The following CRBN variants were observed in gnomAD, a reference collection of about 807,000 sequenced individuals.
The protein encoded by CRBN is cereblon, also known as protein cereblon.
In CRBN, 53 loss-of-function variants were observed where a neutral mutation model predicts 62.2. The observed-to-expected ratio is 0.85, with a 90% CI of 0.68 to 1.07. The LOEUF (loss-of-function observed/expected upper bound fraction) is 1.07, where lower values mean the gene tolerates loss of function less well. Among genes scored for constraint, CRBN ranks in the 50% least tolerant of loss-of-function variants. CRBN has a pLI of 0.00. For synonymous variants in CRBN, 208 were observed against 176.1 expected (o/e 1.18, Z -1.43); for missense variants, 616 against 531.1 (o/e 1.16, Z -1.57).
At chr3:3,176,663 G>A (rs188706030) in intron 1 of CRBN, among the ~76,000 whole-genome samples, 1,743 of 152,310 alleles carry the variant, frequency 0.011, 32 homozygotes, top group South Asian at 0.031. Context: ...TTGAACCCAG[G>A]AGGTGGAGGT....
chr3:3,164,155 C>G (rs115347736), intron 5 of CRBN, among the ~76,000 whole-genome samples: 3 of 152,294 alleles, frequency 2.0e-5, no homozygotes, highest in East Asian at 3.9e-4. Context: ...AATATTGAAA[C>G]TAGGCTAATT....
chr3:3,160,756 A>G, intron 5 of CRBN, among the ~76,000 whole-genome samples: 1 of 152,334 alleles, frequency 6.6e-6, no homozygotes, highest in East Asian at 1.9e-4. Context: ...CCCTATTTTT[A>G]TTTACACAAA....
At chr3:3,159,398 A>G (rs1707044893) in intron 5 of CRBN, among the ~76,000 whole-genome samples, 1 of 152,236 alleles carries the variant, frequency 6.6e-6, no homozygotes, top group Non-Finnish European at 1.5e-5. Context: ...AATATACTTC[A>G]CATATCAGAA....
Position 3,153,246 on chromosome 3 carries a change from T to G in CRBN, c.1016+178A>C, listed in dbSNP as rs1264736751. On this transcript the variant is annotated intron_variant, in intron 9 of 10. Coordinates refer to ENST00000231948, the MANE Select transcript of CRBN (RefSeq NM_016302.4). ...GTGAATAATCCCTGACATGCATTGTTGCTCTGAGTACCCAATCTGGAAGAT... is the reference window on the plus strand; with the variant it reads ...GTGAATAATCCCTGACATGCATTGTGGCTCTGAGTACCCAATCTGGAAGAT... 1.2e-5 allele frequency: 7 copies of G among 563,170 alleles called. No homozygotes were observed. The African/African-American group carries it at 1.3e-4, about 11-fold the overall frequency. The allele number at this position is 563,170 out of a possible 1,614,324, so 34.9% of individuals were successfully genotyped here.
intron 10 of CRBN, 23 bp downstream of exon 10, chr3:3,152,433 A>G: frequency 6.2e-7 from 1 of 1,601,568 alleles, no homozygotes; most frequent in Non-Finnish European, 8.5e-7. Context: ...GAAAAAAAAA[A>G]GCAACCACCA....
rs1335338146 is a variant in CRBN, at chr3:3,175,240, C to A, written c.97G>T (p.Val33Phe). 85 of 1,612,632 alleles carry A rather than the reference C, an allele frequency of 5.3e-5. No homozygotes were observed. The highest frequency in any genetic ancestry group is 7.0e-5 in the Non-Finnish European group (82 of 1,179,094). The change falls in exon 2 of 11, where the codon GTT becomes TTT. Residue 33 changes from valine (V) to phenylalanine (F), a missense_variant. By Grantham distance (50) the Val-to-Phe change is conservative. Transcript: ENST00000231948. ...AESEEEDEMEVEDQDSKEAKK... is the reference protein window; with the variant it reads ...AESEEEDEMEFEDQDSKEAKK... ...GCTTCTTTACTATCCTGGTCTTCAA[C>A]TTCCATTTCATCTTCTTCCTCACTC...
intron 1 of CRBN, among the ~76,000 whole-genome samples, chr3:3,175,613 TCTAA>T (rs1474108670): frequency 3.3e-5 from 5 of 152,236 alleles, no homozygotes; most frequent in Admixed American, 6.5e-5. Flanking sequence ...GGTACATTAC[TCTAA>T]CTAAGCTTCA....
rs180803987 is a variant in CRBN at position 3,158,276 on chromosome 3, T to G, written c.688-1995A>C. ...AGAATCTATGCTGCCACTGATCTGATAAGAGGTGGCGCTCAGCTTCACTTG... is the reference window on the plus strand; with the variant it reads ...AGAATCTATGCTGCCACTGATCTGAGAAGAGGTGGCGCTCAGCTTCACTTG... On this transcript the variant is annotated intron_variant, in intron 5 of 10. Transcript: ENST00000231948. 4.6e-5 allele frequency among the ~76,000 whole-genome samples: 7 copies of G among 152,256 alleles called. No homozygotes were observed. The East Asian group carries it at 1.4e-3, about 29-fold the overall frequency.
rs1450033382 is a variant in CRBN, at chr3:3,150,109, G to GT, written c.*755dup. On this transcript the variant is annotated 3_prime_UTR_variant, in exon 11 of 11. Coordinates refer to ENST00000231948, the MANE Select transcript of CRBN (RefSeq NM_016302.4). The stretch of plus-strand genomic sequence containing the variant: ...AAGTTTAGTCTGGGTGAGGGGACAT[G>GT]TTTTGGCATCTTTTCCCTATAGTAG... The GT allele has an allele frequency of 2.6e-5, 4 of 152,122 alleles. No homozygotes were observed. Among genetic ancestry groups the GT allele is most frequent in the Non-Finnish European group, 5.9e-5 (4 of 67,992 alleles). 9.4% of individuals were successfully genotyped at this position (152,122 alleles called of 1,614,324 possible).
At chr3:3,175,037 T>TGAGG (rs147502997) in intron 2 of CRBN, 126 bp downstream of exon 2, 1 of 663,622 alleles carries the variant, frequency 1.5e-6, no homozygotes, top group Non-Finnish European at 2.7e-6. Context: ...TACTGGCAAA[T>TGAGG]AGCCCATGTC....
chr3:3,164,530 A>C (rs1360801508), intron 5 of CRBN, among the ~76,000 whole-genome samples: 1 of 152,180 alleles, frequency 6.6e-6, no homozygotes, highest in Non-Finnish European at 1.5e-5. Context: ...CCATTCCAAA[A>C]ATCCTAGGGC....
chr3:3,154,398 TAAGGC>T, intron 7 of CRBN: 1 of 443,760 alleles, frequency 2.3e-6, no homozygotes, highest in South Asian at 2.4e-5. Context: ...TATCTATAAT[TAAGGC>T]AAGTCCTGGA....
rs764173921 is a variant in CRBN, at chr3:3,154,423, ACTT to A, written c.835+321_835+323del. ...TAAGGCAAGTCCTGGAACTAGACTCACTTCTTTTAAAGGCACCTTGAAGAACAG... is the reference window on the plus strand; with the variant it reads ...TAAGGCAAGTCCTGGAACTAGACTCACTTTTAAAGGCACCTTGAAGAACAG... On this transcript the variant is annotated intron_variant, in intron 7 of 10. Coordinates refer to ENST00000231948, the MANE Select transcript of CRBN (RefSeq NM_016302.4). 3.8e-4 allele frequency: 175 copies of A among 456,150 alleles called. 1 individual carries two copies. In the East Asian group the frequency reaches 7.5e-3, roughly 19 times the overall value. The allele number at this position is 456,150 out of a possible 1,614,324, so 28.3% of individuals were successfully genotyped here.
intron 5 of CRBN, among the ~76,000 whole-genome samples, chr3:3,163,971 T>C (rs1553561491): frequency 6.6e-6 from 1 of 152,216 alleles, no homozygotes; most frequent in Non-Finnish European, 1.5e-5. Context: ...TTATATCTGT[T>C]ATGATGATTT....
rs1450725934 is a variant in CRBN at position 3,154,791 on chromosome 3, C to T, written c.791G>A (p.Trp264Ter). ...MDRIKKQLREWDENLKDDSLP... is the reference protein window; with the variant it reads ...MDRIKKQLRE Reference sequence around the variant, plus strand: ...AGAATCATCTTTTAGATTTTCATCCCATTCACGTAGCTGTTTCTTGATTCT... The same window carrying T: ...AGAATCATCTTTTAGATTTTCATCCTATTCACGTAGCTGTTTCTTGATTCT... The change falls in exon 7 of 11, where the codon TGG (tryptophan) becomes TAG (stop). Residue 264 changes from tryptophan to a stop codon, truncating the protein, a stop_gained. Transcript: ENST00000231948. LOFTEE classifies it high-confidence loss of function. The T allele has an allele frequency of 6.2e-7, 1 of 1,607,650 alleles. No homozygotes were observed. Among genetic ancestry groups the T allele is most frequent in the Non-Finnish European group, 8.5e-7 (1 of 1,174,374 alleles).
intron 1 of CRBN, 85 bp downstream of exon 1, chr3:3,179,534 ACG>A: frequency 7.4e-7 from 1 of 1,356,310 alleles, no homozygotes; most frequent in Non-Finnish European, 1.0e-6. Context: ...TGGCGCCCCC[ACG>A]CCCGCCTCCC....
chr3:3,154,223 C>T, intron 7 of CRBN, 148 bp from the exon 8 acceptor site: 1 of 631,910 alleles, frequency 1.6e-6, no homozygotes. Flanking sequence ...AATATACCAG[C>T]TGTCAAAGAT....
chr3:3,161,024 T>C (rs1707119378), intron 5 of CRBN, among the ~76,000 whole-genome samples: 1 of 152,204 alleles, frequency 6.6e-6, no homozygotes, highest in East Asian at 1.9e-4. Context: ...CCACAGCAAG[T>C]ATCCAAAGAA....
intron 4 of CRBN, among the ~76,000 whole-genome samples, chr3:3,169,851 G>T (rs924749676): frequency 6.6e-6 from 1 of 151,934 alleles, no homozygotes; most frequent in East Asian, 1.9e-4. Flanking sequence ...ATGCTAAGAA[G>T]TAGGAACTTC....
Sources: allele counts gnomAD v4.1 joint callset (sites outside exome capture counted in the v4.1 genomes callset), GRCh38; gene constraint gnomAD v4.1.1; transcripts MANE v1.5; gene names NCBI Gene and HGNC (gene_info 2026-07-23, HGNC 2026-07-21).